RPH3AL: variants seen among roughly 807,000 people sequenced by gnomAD.
RPH3AL encodes the protein rab effector Noc2.
RPH3AL carries 38 observed loss-of-function variants against 43.1 expected under a neutral mutation model. The observed-to-expected ratio is 0.88, with a 90% CI of 0.68 to 1.15. RPH3AL has a LOEUF of 1.15. Among genes scored for constraint, RPH3AL ranks in the 50% most tolerant of loss-of-function variants. RPH3AL has a pLI of 0.00. For synonymous variants in RPH3AL, 189 were observed against 176.3 expected (o/e 1.07, Z -0.57); for missense variants, 462 against 423.2 (o/e 1.09, Z -0.81).
intron 3 of RPH3AL, among the ~76,000 whole-genome samples, chr17:321,983 G>A (rs1482819734): frequency 6.6e-6 from 1 of 152,254 alleles, no homozygotes; most frequent in Middle Eastern, 3.2e-3. Flanking sequence ...AAGGTAGTGA[G>A]ACGGAGTTCA....
rs2045379340 is a variant in RPH3AL at position 352,746 on chromosome 17, C to T, written c.-247G>A. The T allele has an allele frequency of 6.6e-6, 1 of 152,264 alleles. No individual in the cohort carries two copies. Among genetic ancestry groups the T allele is most frequent in the African/African-American group, 2.4e-5 (1 of 41,470 alleles). The allele number at this position is 152,264 out of a possible 1,614,324, so 9.4% of individuals were successfully genotyped here. A position where few individuals can be genotyped will look rare whatever the true frequency, so the allele number is the denominator to read the frequency against. Reference sequence around the variant, plus strand: ...AGGGGCTTCACCCAGACAGGCCCCACCAGGGAGGAGGAGGCCGCTCTCCCT... The same window carrying T: ...AGGGGCTTCACCCAGACAGGCCCCATCAGGGAGGAGGAGGCCGCTCTCCCT... On this transcript the variant is annotated 5_prime_UTR_variant, in exon 1 of 10. In the 5' UTR this introduces an upstream ATG that the reference lacks. Transcript: ENST00000331302.
chr17:245,615 G>A lies in RPH3AL; in HGVS notation c.613+1496C>T, dbSNP rs1365702883. On this transcript the variant is annotated intron_variant, in intron 7 of 9. Transcript: ENST00000331302. The surrounding 1 kb of genome is among the most constrained non-coding windows in gnomAD (Gnocchi z 5.9). ...CAAGCAGCATTTTAAACCCACAGGT[G>A]TCCACCAGCTTCTGCTCCCACTGTC... 1.3e-5 allele frequency among the ~76,000 whole-genome samples: 2 copies of A among 152,096 alleles called. No individual in the cohort carries two copies. Among genetic ancestry groups the A allele is most frequent in the Admixed American group, 1.3e-4 (2 of 15,264 alleles).
intron 5 of RPH3AL, among the ~76,000 whole-genome samples, chr17:319,066 C>T (rs888041354): frequency 6.6e-5 from 10 of 152,158 alleles, no homozygotes; most frequent in South Asian, 2.1e-4. Flanking sequence ...CATGGTATCA[C>T]GACCACATAT....
chr17:238,428 A>C (rs924692037), intron 7 of RPH3AL, among the ~76,000 whole-genome samples: 17 of 151,258 alleles, frequency 1.1e-4, no homozygotes, highest in Non-Finnish European at 1.6e-4. Context: ...TGAAGAGAAG[A>C]AGCCGCATCC....
chr17:272,012 C>T (rs1211818335), intron 6 of RPH3AL, among the ~76,000 whole-genome samples: 3 of 152,184 alleles, frequency 2.0e-5, no homozygotes, highest in African/African-American at 7.2e-5. Flanking sequence ...AAAATGCTCA[C>T]CATCACTGGC....
intron 1 of RPH3AL, among the ~76,000 whole-genome samples, chr17:343,504 G>A (rs76251741): frequency 0.015 from 2,245 of 152,282 alleles, 57 homozygotes; most frequent in African/African-American, 0.049. Flanking sequence ...TCAGGGTCGC[G>A]TATCTGAGGT....
intron 5 of RPH3AL, among the ~76,000 whole-genome samples, chr17:302,615 C>T (rs557932189): frequency 5.9e-5 from 9 of 152,280 alleles, no homozygotes; most frequent in Admixed American, 2.6e-4. Flanking sequence ...CGCCCGCCGT[C>T]GAGGGAGGGT....
intron 5 of RPH3AL, among the ~76,000 whole-genome samples, chr17:313,580 C>A (rs2043706980): frequency 6.6e-6 from 1 of 152,152 alleles, no homozygotes; most frequent in African/African-American, 2.4e-5. Flanking sequence ...GAGAGGCCCC[C>A]TAAGCCTCTC....
intron 5 of RPH3AL, among the ~76,000 whole-genome samples, chr17:297,195 A>T (rs2043204521): frequency 6.6e-6 from 1 of 152,244 alleles, no homozygotes; most frequent in Non-Finnish European, 1.5e-5. Flanking sequence ...AGGGGATCCA[A>T]CAGCCCCTCG....
In RPH3AL at chr17:333,015, AC is replaced by A; in HGVS notation, c.-37+743del. The A allele has an allele frequency of 7.8e-7, 1 of 1,287,034 alleles. No individual in the cohort carries two copies. Among genetic ancestry groups the A allele is most frequent in the Non-Finnish European group, 1.0e-6 (1 of 986,920 alleles). The allele number at this position is 1,287,034 out of a possible 1,614,324, so 79.7% of individuals were successfully genotyped here. On this transcript the variant is annotated intron_variant, in intron 2 of 9. Coordinates refer to ENST00000331302, the MANE Select transcript of RPH3AL (RefSeq NM_006987.4). This position sits in a 1 kb window ranked among gnomAD's most constrained non-coding sequence, Gnocchi z 4.5. ...GACAGAGGCTCATCAGCCCCAGGCA[AC>A]TTCCTGAGACAGATCGGTAAAAACA...
chr17:309,818 C>T (rs959434900), intron 5 of RPH3AL, among the ~76,000 whole-genome samples: 3 of 152,214 alleles, frequency 2.0e-5, no homozygotes, highest in Non-Finnish European at 4.4e-5. Context: ...ATCCCCTCCT[C>T]GGTGCAAAGT....
At chr17:291,654 C>G (rs1288726286) in intron 5 of RPH3AL, among the ~76,000 whole-genome samples, 1 of 152,158 alleles carries the variant, frequency 6.6e-6, no homozygotes, top group Non-Finnish European at 1.5e-5. Flanking sequence ...TGCCAGAAAC[C>G]AAATCTTCAA....
At chr17:314,920 G>T (rs1555518691) in intron 5 of RPH3AL, among the ~76,000 whole-genome samples, 8 of 134,140 alleles carry the variant, frequency 6.0e-5, no homozygotes, top group African/African-American at 2.1e-4. Context: ...AGTAGTCCCT[G>T]TGCCCCACCT....
chr17:297,507 C>T lies in RPH3AL; in HGVS notation c.352-15653G>A, dbSNP rs553741288. ...TCTGATGCTACCTCCGGGTAGACAG[C>T]GTCTGAACTGAGCACAGCCCACTGG... On this transcript the variant is annotated intron_variant, in intron 5 of 9. Transcript: ENST00000331302. Among the ~76,000 whole-genome samples the T allele has an allele frequency of 7.2e-5, 11 of 152,290 alleles. No individual in the cohort carries two copies. In the East Asian group the frequency reaches 9.6e-4, roughly 13 times the overall value.
At chr17:296,558 G>C (rs918496421) in intron 5 of RPH3AL, among the ~76,000 whole-genome samples, 1 of 152,168 alleles carries the variant, frequency 6.6e-6, no homozygotes, top group South Asian at 2.1e-4. Flanking sequence ...TTGGTAATGA[G>C]ATTCAGGATG....
chr17:305,136 T>C, intron 5 of RPH3AL, among the ~76,000 whole-genome samples: 1 of 95,898 alleles, frequency 1.0e-5, no homozygotes. Context: ...GGGGACAGGG[T>C]CATCAGGGTG....
intron 1 of RPH3AL, among the ~76,000 whole-genome samples, chr17:346,560 G>A (rs2045240664): frequency 7.5e-6 from 1 of 133,636 alleles, no homozygotes; most frequent in Non-Finnish European, 1.7e-5. Context: ...GGAAAGACCC[G>A]CCCCCATGAT....
intron 6 of RPH3AL, among the ~76,000 whole-genome samples, chr17:266,202 T>TGGTG (rs1434435930): frequency 6.9e-5 from 10 of 144,138 alleles, no homozygotes; most frequent in Non-Finnish European, 1.1e-4. Flanking sequence ...AAGGCCCCAG[T>TGGTG]GGTGTGTGTG....
chr17:337,725 C>T (rs2044997999), intron 1 of RPH3AL, among the ~76,000 whole-genome samples: 1 of 152,236 alleles, frequency 6.6e-6, no homozygotes, highest in South Asian at 2.1e-4. Context: ...TGACGAGGCA[C>T]CAGGCCCGTG....
Sources: allele counts gnomAD v4.1 joint callset (sites outside exome capture counted in the v4.1 genomes callset), GRCh38; gene constraint gnomAD v4.1.1; non-coding constraint Gnocchi (gnomAD v3.1); transcripts MANE v1.5; gene names NCBI Gene and HGNC (gene_info 2026-07-23, HGNC 2026-07-21).